Variants in SFMBT2 observed in about 807,000 individuals in gnomAD.
The protein encoded by SFMBT2 is scm-like with four MBT domains protein 2.
A neutral mutation model predicts 110.1 loss-of-function variants in SFMBT2; 38 were observed. The ratio of observed to expected loss-of-function variants is 0.35; its 90% CI spans 0.27 to 0.45. The LOEUF is 0.45. Ranked by LOEUF, SFMBT2 falls within the 20% of genes least tolerant of loss-of-function variation. SFMBT2 has a pLI of 1.00. For missense variants in SFMBT2, 1,011 were observed against 1,094.9 expected (o/e 0.92, Z 1.08); for synonymous variants, 425 against 425.4 (o/e 1.00, Z 0.01).
intron 1 of SFMBT2, among the ~76,000 whole-genome samples, chr10:7,406,669 TA>T (rs1846219600): frequency 1.3e-5 from 2 of 152,172 alleles, no homozygotes; most frequent in African/African-American, 2.4e-5. Flanking sequence ...AAAAATAGTC[TA>T]TAATGTCTGC....
At chr10:7,182,406 GACTT>G (rs1397750014) in intron 16 of SFMBT2, among the ~76,000 whole-genome samples, 3 of 152,248 alleles carry the variant, frequency 2.0e-5, no homozygotes, top group East Asian at 3.9e-4. Context: ...TTCCAAGAAA[GACTT>G]ACAAACAGCA....
chr10:7,351,633 T>C (rs976218520), intron 4 of SFMBT2, among the ~76,000 whole-genome samples: 1 of 152,200 alleles, frequency 6.6e-6, no homozygotes, highest in South Asian at 2.1e-4. Context: ...AGATCAGTTA[T>C]ACATAAACAA....
At chr10:7,379,380 T>C (rs1342953400) in intron 2 of SFMBT2, among the ~76,000 whole-genome samples, 1 of 152,000 alleles carries the variant, frequency 6.6e-6, no homozygotes, top group Non-Finnish European at 1.5e-5. Context: ...AATAATAAAC[T>C]ACTTGTAGAA....
chr10:7,250,512 A>G (rs1288954417), intron 7 of SFMBT2, among the ~76,000 whole-genome samples: 2 of 152,280 alleles, frequency 1.3e-5, no homozygotes, highest in Non-Finnish European at 1.5e-5. Context: ...GGTTGATTCC[A>G]TGCCTTTGCT....
intron 17 of SFMBT2, among the ~76,000 whole-genome samples, chr10:7,173,566 G>C (rs1837956182): frequency 6.6e-6 from 1 of 152,212 alleles, no homozygotes; most frequent in Non-Finnish European, 1.5e-5. Flanking sequence ...CTACAGCAGA[G>C]ACACAGGTGT....
chr10:7,219,949 T>C (rs1012737590), intron 11 of SFMBT2: 1 of 153,060 alleles, frequency 6.5e-6, no homozygotes, highest in African/African-American at 2.4e-5. Flanking sequence ...CTAAATTCTG[T>C]TTATTAGACA....
At chr10:7,285,980 A>T (rs758743256) in intron 4 of SFMBT2, 26 bp from the exon 5 acceptor site, 1 of 858,542 alleles carries the variant, frequency 1.2e-6, no homozygotes, top group Non-Finnish European at 2.0e-6. Context: ...AGAAAGAAAA[A>T]CAAAACAAAA....
At chr10:7,262,759 A>C (rs767523715) in intron 7 of SFMBT2, among the ~76,000 whole-genome samples, 1 of 152,138 alleles carries the variant, frequency 6.6e-6, no homozygotes, top group Admixed American at 6.5e-5. Flanking sequence ...AGTTACATTT[A>C]TTGTTTGACC....
Position 7,188,727 on chromosome 10 carries a change from T to G in SFMBT2, c.1705A>C (p.Ser569Arg). The change falls in exon 16 of 21, where the codon AGC becomes CGC. Residue 569 changes from serine (S) to arginine (R), a missense_variant. This residue lies in a region of SFMBT2 where 979 missense variants were observed against 1,016.1 expected (regional missense o/e 0.96). Transcript: ENST00000397167. The stretch of plus-strand genomic sequence containing the variant: ...TTGTAGGCTGCGTTGATTATCATGC[T>G]AAGAACCTTTTGGGGAAAAAAATAA... ...KCVLVLKEVL[S>R]MIINAAYKPG... is the part of the protein sequence containing the mutation. 6.2e-7 allele frequency: 1 copy of G among 1,610,882 alleles called. No individual in the cohort carries two copies. The highest frequency in any genetic ancestry group is 8.5e-7 in the Non-Finnish European group (1 of 1,178,428).
At chr10:7,211,337 T>C (rs1007756960) in intron 11 of SFMBT2, among the ~76,000 whole-genome samples, 1 of 152,126 alleles carries the variant, frequency 6.6e-6, no homozygotes, top group Non-Finnish European at 1.5e-5. Flanking sequence ...AAGGCAGGCT[T>C]GGGACCCCTT....
At chr10:7,321,731 C>T (rs1227430371) in intron 4 of SFMBT2, among the ~76,000 whole-genome samples, 1 of 152,184 alleles carries the variant, frequency 6.6e-6, no homozygotes, top group Non-Finnish European at 1.5e-5. Context: ...CATTTCCAAG[C>T]ATATAGCTTT....
At chr10:7,357,871 G>A (rs370985953) in intron 4 of SFMBT2, among the ~76,000 whole-genome samples, 19 of 152,032 alleles carry the variant, frequency 1.2e-4, no homozygotes, top group Non-Finnish European at 2.6e-4. Context: ...TTGGAGGCAC[G>A]ACCGTTGGTA....
chr10:7,245,544 T>C (rs1457580244), intron 8 of SFMBT2, among the ~76,000 whole-genome samples: 1 of 152,262 alleles, frequency 6.6e-6, no homozygotes, highest in Non-Finnish European at 1.5e-5. Context: ...TTTTGTGCTC[T>C]ATCCAGTCCA....
intron 1 of SFMBT2, among the ~76,000 whole-genome samples, chr10:7,389,633 C>G (rs572598553): frequency 1.3e-5 from 2 of 152,234 alleles, no homozygotes; most frequent in South Asian, 4.2e-4. Flanking sequence ...TGTCTTGGAC[C>G]AGTGAAAAGA....
intron 16 of SFMBT2, among the ~76,000 whole-genome samples, chr10:7,177,358 C>T (rs1441229603): frequency 6.6e-6 from 1 of 152,150 alleles, no homozygotes; most frequent in Non-Finnish European, 1.5e-5. Context: ...CTCCCCCCGC[C>T]CCCCGCAAAA....
chr10:7,360,291 G>A (rs189089328), intron 4 of SFMBT2, among the ~76,000 whole-genome samples: 3 of 152,242 alleles, frequency 2.0e-5, no homozygotes, highest in Admixed American at 6.5e-5. Context: ...AACACAGGAA[G>A]ACCCCCATCT....
At chr10:7,324,144 T>C (rs1843297566) in intron 4 of SFMBT2, among the ~76,000 whole-genome samples, 1 of 152,208 alleles carries the variant, frequency 6.6e-6, no homozygotes, top group African/African-American at 2.4e-5. Context: ...CCAAAATGAT[T>C]CTAGCTCTAC....
chr10:7,400,883 A>G (rs1017308434), intron 1 of SFMBT2, among the ~76,000 whole-genome samples: 16 of 152,200 alleles, frequency 1.1e-4, no homozygotes, highest in Non-Finnish European at 1.2e-4. Context: ...CTGTAATCCC[A>G]GCACTTCAGG....
chr10:7,203,263 A>G (rs937541649), intron 12 of SFMBT2: 2 of 223,002 alleles, frequency 9.0e-6, no homozygotes, highest in Non-Finnish European at 1.5e-5. Context: ...CAAGAAATGC[A>G]AGCAAAAATA....
Sources: gnomAD v4.1 joint callset for allele counts (sites outside exome capture counted in the v4.1 genomes callset) on GRCh38, gnomAD v4.1.1 for gene constraint, gnomAD v4.1.1 regional missense constraint, MANE v1.5 for transcripts, NCBI Gene and HGNC (gene_info 2026-07-23, HGNC 2026-07-21) for gene names.